The following SYNPR variants were observed in gnomAD, a reference collection of about 807,000 sequenced individuals.
The protein encoded by SYNPR is synaptoporin.
SYNPR carries 23 observed loss-of-function variants against 32.9 expected under a neutral mutation model. That is an observed-to-expected ratio of 0.70 (90% CI 0.50 to 0.99). The LOEUF (loss-of-function observed/expected upper bound fraction) is 0.99, where lower values mean the gene tolerates loss of function less well. Ranked by LOEUF, SYNPR falls within the 50% of genes least tolerant of loss-of-function variation. The pLI is 0.00. For missense variants in SYNPR, 318 were observed against 349.3 expected (o/e 0.91, Z 0.71); for synonymous variants, 146 against 135.9 (o/e 1.07, Z -0.52).
In SYNPR at chr3:63,455,756, G is replaced by GGTGTGTGTGTGTGTGTGTGT. The variant is rs370244005; in HGVS notation, c.85-25064_85-25045dup. On this transcript the variant is annotated intron_variant, in intron 2 of 5. Transcript: ENST00000478300. ...TGCTTCTGTACATAGTCATGTTTGGGGTGTGTGTGTGTGTGTGTGTGTGTG... is the reference window on the plus strand; with the variant it reads ...TGCTTCTGTACATAGTCATGTTTGGGGTGTGTGTGTGTGTGTGTGTGTGTGTGTGTGTGTGTGTGTGTGTG... Among the ~76,000 whole-genome samples the GGTGTGTGTGTGTGTGTGTGT allele has an allele frequency of 2.9e-3, 418 of 144,370 alleles. 3 individuals are homozygous for GGTGTGTGTGTGTGTGTGTGT. Among genetic ancestry groups the GGTGTGTGTGTGTGTGTGTGT allele is most frequent in the African/African-American group, 5.8e-3 (224 of 38,644 alleles). 94.7% of individuals were successfully genotyped at this position (144,370 alleles called of 152,430 possible).
At chr3:63,513,581 A>G (rs962266194) in intron 3 of SYNPR, among the ~76,000 whole-genome samples, 3 of 152,112 alleles carry the variant, frequency 2.0e-5, no homozygotes, top group African/African-American at 7.2e-5. Flanking sequence ...GTGTCCTTCA[A>G]TATATCACTT....
At chr3:63,348,840 G>A (rs1354080206) in intron 2 of SYNPR, among the ~76,000 whole-genome samples, 1 of 152,142 alleles carries the variant, frequency 6.6e-6, no homozygotes, top group Non-Finnish European at 1.5e-5. Flanking sequence ...GATGACTGTA[G>A]ATATGTAGTT....
chr3:63,405,326 G>C (rs1344095768), intron 2 of SYNPR, among the ~76,000 whole-genome samples: 1 of 152,116 alleles, frequency 6.6e-6, no homozygotes, highest in East Asian at 1.9e-4. Context: ...ACACAACACA[G>C]GTTAAGGAAA....
intron 1 of SYNPR, among the ~76,000 whole-genome samples, chr3:63,232,484 T>G (rs2086174109): frequency 6.6e-6 from 1 of 152,226 alleles, no homozygotes. Flanking sequence ...ATTACTGGCG[T>G]GAGCCACACC....
At chr3:63,250,383 G>C (rs1445837150) in intron 1 of SYNPR, among the ~76,000 whole-genome samples, 2 of 151,942 alleles carry the variant, frequency 1.3e-5, no homozygotes, top group Non-Finnish European at 2.9e-5. Context: ...TCCACGCCTG[G>C]GGCAATTATT....
At chr3:63,562,948 A>T (rs1702716891) in intron 4 of SYNPR, among the ~76,000 whole-genome samples, 1 of 152,208 alleles carries the variant, frequency 6.6e-6, no homozygotes, top group Non-Finnish European at 1.5e-5. Context: ...GGAAAGGAAG[A>T]GTTAATGCCT....
chr3:63,301,830 C>A (rs1427755342), intron 2 of SYNPR, among the ~76,000 whole-genome samples: 2 of 152,064 alleles, frequency 1.3e-5, no homozygotes, highest in Non-Finnish European at 2.9e-5. Flanking sequence ...AAGTTCTCAT[C>A]TTGTCTTCTC....
chr3:63,249,670 A>G (rs2086315946), intron 1 of SYNPR, among the ~76,000 whole-genome samples: 1 of 152,112 alleles, frequency 6.6e-6, no homozygotes, highest in Non-Finnish European at 1.5e-5. Flanking sequence ...GTAACCAAAT[A>G]CCACCTGTAC....
chr3:63,256,701 A>G (rs897883868), intron 2 of SYNPR, among the ~76,000 whole-genome samples: 6 of 152,246 alleles, frequency 3.9e-5, no homozygotes, highest in Non-Finnish European at 8.8e-5. Context: ...CACCAGCAAC[A>G]GAACAAAGCT....
At chr3:63,572,184 C>G (rs866095840) in intron 4 of SYNPR, among the ~76,000 whole-genome samples, 1 of 152,142 alleles carries the variant, frequency 6.6e-6, no homozygotes, top group African/African-American at 2.4e-5. Context: ...AACTCGAAAT[C>G]TTTCTAATTG....
At chr3:63,613,204 T>C (rs1266044717) in intron 5 of SYNPR, among the ~76,000 whole-genome samples, 2 of 151,572 alleles carry the variant, frequency 1.3e-5, no homozygotes, top group Non-Finnish European at 2.9e-5. Context: ...GGCACCTCAA[T>C]AATTTTTTAT....
At chr3:63,508,256 A>G (rs910421883) in intron 3 of SYNPR, among the ~76,000 whole-genome samples, 3 of 152,120 alleles carry the variant, frequency 2.0e-5, no homozygotes, top group African/African-American at 7.2e-5. Flanking sequence ...TCATTCACCT[A>G]CAAGAATTTA....
intron 2 of SYNPR, among the ~76,000 whole-genome samples, chr3:63,350,906 C>G (rs138509837): frequency 2.0e-5 from 3 of 152,242 alleles, no homozygotes; most frequent in African/African-American, 7.2e-5. Flanking sequence ...AGGTGCAGCT[C>G]CTTTATGGTT....
chr3:63,446,054 G>A (rs1297515170), intron 2 of SYNPR, among the ~76,000 whole-genome samples: 1 of 152,080 alleles, frequency 6.6e-6, no homozygotes, highest in Non-Finnish European at 1.5e-5. Context: ...ATGCAGAAGT[G>A]GATAAATCAA....
intron 2 of SYNPR, among the ~76,000 whole-genome samples, chr3:63,416,950 G>A (rs947358508): frequency 6.6e-6 from 1 of 152,088 alleles, no homozygotes; most frequent in Non-Finnish European, 1.5e-5. Flanking sequence ...TTCCACTCCT[G>A]GCCTCTCCCA....
At chr3:63,506,614 G>C (rs530610547) in intron 3 of SYNPR, among the ~76,000 whole-genome samples, 1 of 152,126 alleles carries the variant, frequency 6.6e-6, no homozygotes, top group East Asian at 1.9e-4. Context: ...GTTTATTTTT[G>C]TTCATCTGGC....
intron 2 of SYNPR, among the ~76,000 whole-genome samples, chr3:63,402,166 A>G (rs2088301403): frequency 6.6e-6 from 1 of 152,108 alleles, no homozygotes; most frequent in Non-Finnish European, 1.5e-5. Context: ...ATCAGCCATT[A>G]TTGACATTTT....
At chr3:63,257,299 T>C (rs1292388473) in intron 2 of SYNPR, among the ~76,000 whole-genome samples, 1 of 151,770 alleles carries the variant, frequency 6.6e-6, no homozygotes, top group Non-Finnish European at 1.5e-5. Context: ...AAGGAAAAAA[T>C]GTTAAGGGCA....
chr3:63,481,305 C>A (rs534500897), intron 3 of SYNPR, among the ~76,000 whole-genome samples: 1 of 152,274 alleles, frequency 6.6e-6, no homozygotes, highest in South Asian at 2.1e-4. Flanking sequence ...CTTTCTAATG[C>A]ACATTTTGAA....
Sources: allele counts gnomAD v4.1 joint callset (sites outside exome capture counted in the v4.1 genomes callset), GRCh38; gene constraint gnomAD v4.1.1; transcripts MANE v1.5; gene names NCBI Gene and HGNC (gene_info 2026-07-23, HGNC 2026-07-21).